SLC4A8: variants seen among roughly 807,000 people sequenced by gnomAD.
SLC4A8 encodes electroneutral sodium bicarbonate exchanger 1.
In SLC4A8, 40 loss-of-function variants were observed where a neutral mutation model predicts 125.0. The observed-to-expected ratio is 0.32, with a 90% confidence interval of 0.25 to 0.42. The LOEUF is 0.42. Ranked by LOEUF, SLC4A8 falls within the 10% of genes least tolerant of loss-of-function variation. The probability of loss-of-function intolerance (pLI) is 1.00; values close to 1 mark genes in which losing one functional copy is unlikely to be tolerated. For missense variants in SLC4A8, 863 were observed against 1,355.1 expected (o/e 0.64, Z 5.70); for synonymous variants, 456 against 476.0 (o/e 0.96, Z 0.55).
chr12:51,425,686 G>A (rs1948948266), intron 1 of SLC4A8, among the ~76,000 whole-genome samples: 1 of 152,146 alleles, frequency 6.6e-6, no homozygotes, highest in African/African-American at 2.4e-5. Context: ...GGAACTGTTG[G>A]GGCGGCTAAT....
chr12:51,497,124 G>C lies in SLC4A8; in HGVS notation c.3081G>C (p.Glu1027Asp). The change falls in exon 22 of 25, where the codon GAG becomes GAC. Residue 1027 changes from glutamate (E) to aspartate (D), a missense_variant and splice_region_variant. Glu to Asp is a conservative substitution (Grantham distance 45). Around this residue, in one of 6 missense-constraint regions of SLC4A8, gnomAD observed 92 missense variants for 125.6 expected, o/e 0.73. Coordinates refer to ENST00000453097, the MANE Select transcript of SLC4A8 (RefSeq NM_001039960.3). The part of the protein sequence containing the change: ...DDAKKKAKEE[E>D]EAEKMLEIGG... ...CCAAAAAGAAGGCCAAGGAGGAAGA[G>C]GTCATAGTCCTTGCACCAACTGTAT... The C allele has an allele frequency of 1.2e-6, 2 of 1,610,876 alleles. No homozygotes were observed. The highest frequency in any genetic ancestry group is 2.2e-5 in the East Asian group (1 of 44,860).
intron 1 of SLC4A8, among the ~76,000 whole-genome samples, chr12:51,433,385 G>C (rs1161214381): frequency 6.6e-6 from 1 of 152,134 alleles, no homozygotes; most frequent in Non-Finnish European, 1.5e-5. Flanking sequence ...CTCAGAAATA[G>C]GGCTTTTTCC....
In SLC4A8 at chr12:51,497,100, C is replaced by G; in HGVS notation, c.3057C>G (p.Ala1019=). 1 of 1,612,746 alleles carries G rather than the reference C, an allele frequency of 6.2e-7. No homozygotes were observed. Among genetic ancestry groups the G allele is most frequent in the Non-Finnish European group, 8.5e-7 (1 of 1,179,718 alleles). ...GCAAAAAGAAGAAGTTGGATGATGC[C>G]AAAAAGAAGGCCAAGGAGGAAGAGG... ...PESKKKKLDD[A]KKKAKEEEEA... The change falls in exon 22 of 25, where the codon GCC becomes GCG. Residue 1019 remains alanine (A), a synonymous_variant. Transcript: ENST00000453097.
chr12:51,436,311 C>T (rs1949410610), intron 1 of SLC4A8, among the ~76,000 whole-genome samples: 1 of 152,162 alleles, frequency 6.6e-6, no homozygotes, highest in Admixed American at 6.5e-5. Flanking sequence ...TAAAATTCTT[C>T]TTTGTCCTTA....
In SLC4A8 at chr12:51,509,482, C is replaced by G. The variant is rs991488410; in HGVS notation, c.*2044C>G. ...GTCCCTCTCTGGCTGCCTCCTTGAG[C>G]TTGCCACTTTTTCATCTTCATTGTT... On this transcript the variant is annotated 3_prime_UTR_variant, in exon 25 of 25. Transcript: ENST00000453097. 6.6e-6 allele frequency: 1 copy of G among 152,212 alleles called. No individual in the cohort carries two copies. Among genetic ancestry groups the G allele is most frequent in the African/African-American group, 2.4e-5 (1 of 41,442 alleles). The allele number at this position is 152,212 out of a possible 1,614,324, so 9.4% of individuals were successfully genotyped here. A position where few individuals can be genotyped will look rare whatever the true frequency, so the allele number is the denominator to read the frequency against.
Position 51,461,269 on chromosome 12 carries a change from TG to T in SLC4A8, c.1081del (p.Ala361ProfsTer4). The T allele has an allele frequency of 6.2e-7, 1 of 1,609,444 alleles. No homozygotes were observed. The highest frequency in any genetic ancestry group is 8.5e-7 in the Non-Finnish European group (1 of 1,175,820). ...CAGTACCATGAGATTGGCAGATCCA[TG>T]GCCACCATCATGACAGATGAGGTAT... Reference protein sequence around the residue: ...GQQYHEIGRSMATIMTDEIFH... With the variant: ...GQQYHEIGRSXATIMTDEIFH... On this transcript the variant is annotated frameshift_variant, in exon 9 of 25. Coordinates refer to ENST00000453097, the MANE Select transcript of SLC4A8 (RefSeq NM_001039960.3). LOFTEE classifies it high-confidence loss of function.
rs1303563938 is a variant in SLC4A8 at position 51,506,047 on chromosome 12, A to G, written c.3269+117A>G. 1.3e-5 allele frequency: 8 copies of G among 612,210 alleles called. No homozygotes were observed. The East Asian group carries it at 2.2e-4, about 17-fold the overall frequency. 37.9% of individuals were successfully genotyped at this position (612,210 alleles called of 1,614,324 possible). On this transcript the variant is annotated intron_variant, in intron 24 of 24. Transcript: ENST00000453097. Reference sequence around the variant, plus strand: ...AATTTGTGTAATAAATAGCACTTCCAGGAACTGCCGCTAACCACATAAGAA... The same window carrying G: ...AATTTGTGTAATAAATAGCACTTCCGGGAACTGCCGCTAACCACATAAGAA...
chr12:51,470,078 A>G (rs1343757544), intron 12 of SLC4A8, among the ~76,000 whole-genome samples: 1 of 152,150 alleles, frequency 6.6e-6, no homozygotes, highest in African/African-American at 2.4e-5. Context: ...AAGATTTAAA[A>G]TGACTCTGTA....
Position 51,507,583 on chromosome 12 carries a change from A to C in SLC4A8, c.*145A>C. 3.7e-6 allele frequency: 2 copies of C among 537,898 alleles called. No homozygotes were observed. Among genetic ancestry groups the C allele is most frequent in the Non-Finnish European group, 6.4e-6 (2 of 314,690 alleles). The allele number at this position is 537,898 out of a possible 1,614,324, so 33.3% of individuals were successfully genotyped here. A position where few individuals can be genotyped will look rare whatever the true frequency, so the allele number is the denominator to read the frequency against. ...ATCTCAAAGCCATGCCGAAGCATTC[A>C]GTTATTCTTGGTGTGCATTGGAAGG... On this transcript the variant is annotated 3_prime_UTR_variant, in exon 25 of 25. Coordinates refer to ENST00000453097, the MANE Select transcript of SLC4A8 (RefSeq NM_001039960.3).
intron 2 of SLC4A8, among the ~76,000 whole-genome samples, chr12:51,445,418 T>G (rs1949742460): frequency 6.6e-6 from 1 of 152,204 alleles, no homozygotes; most frequent in Non-Finnish European, 1.5e-5. Flanking sequence ...TCCTCCTTCC[T>G]TAGCCTCCCA....
At position 51,515,069 on chromosome 12, in the gene SLC4A8, G is replaced by A. The variant is rs772597569; in HGVS notation, c.*7631G>A. ...CTAGCTGATGGCATTAATATTTCTT[G>A]AGAGAGAGAACTCACCCATGGCACT... is the stretch of plus-strand genomic sequence containing the variant. On this transcript the variant is annotated 3_prime_UTR_variant, in exon 25 of 25. Coordinates refer to ENST00000453097, the MANE Select transcript of SLC4A8 (RefSeq NM_001039960.3). 7 of 152,180 alleles carry A rather than the reference G, an allele frequency of 4.6e-5. No individual in the cohort carries two copies. The highest frequency in any genetic ancestry group is 1.0e-4 in the Non-Finnish European group (7 of 68,030). The allele number at this position is 152,180 out of a possible 1,614,324, so 9.4% of individuals were successfully genotyped here.
intron 1 of SLC4A8, among the ~76,000 whole-genome samples, chr12:51,433,871 T>TTTTG (rs1949294926): frequency 4.5e-5 from 6 of 132,664 alleles, no homozygotes; most frequent in South Asian, 2.3e-4. Flanking sequence ...TTTTTTTTTT[T>TTTTG]TTTTTTTGGT....
At chr12:51,464,921 G>A (rs1160174240) in intron 11 of SLC4A8, among the ~76,000 whole-genome samples, 1 of 152,184 alleles carries the variant, frequency 6.6e-6, no homozygotes, top group East Asian at 1.9e-4. Flanking sequence ...ATGTTTTCTG[G>A]TAGGAAGAAT....
chr12:51,460,392 T>G (rs77965566), intron 8 of SLC4A8, among the ~76,000 whole-genome samples: 1 of 972 alleles, frequency 1.0e-3, no homozygotes, highest in Non-Finnish European at 4.3e-3. Context: ...AGACCCTGTC[T>G]TTTTTAAAAA....
intron 1 of SLC4A8, among the ~76,000 whole-genome samples, chr12:51,406,365 G>T (rs1456110744): frequency 2.0e-5 from 3 of 152,204 alleles, no homozygotes; most frequent in African/African-American, 7.2e-5. Flanking sequence ...TTATTGATGT[G>T]GGGTAGAGTG....
chr12:51,396,925 ATTTTTTT>A (rs753146267), intron 1 of SLC4A8, among the ~76,000 whole-genome samples: 21 of 106,312 alleles, frequency 2.0e-4, no homozygotes, highest in African/African-American at 7.0e-4. Flanking sequence ...GCCTTAGTTA[ATTTTTTT>A]TTTTTTTTTT....
chr12:51,468,302 T>A lies in SLC4A8; in HGVS notation c.1350-1312T>A, dbSNP rs566385084. On this transcript the variant is annotated intron_variant, in intron 11 of 24. Coordinates refer to ENST00000453097, the MANE Select transcript of SLC4A8 (RefSeq NM_001039960.3). ...GCCACCAAGTCCTGTTGATTCTACCTCCTGATTAGCTCTTGAATCCATCCA... is the reference window on the plus strand; with the variant it reads ...GCCACCAAGTCCTGTTGATTCTACCACCTGATTAGCTCTTGAATCCATCCA... 1.8e-3 allele frequency among the ~76,000 whole-genome samples: 280 copies of A among 152,324 alleles called. 1 individual carries two copies. The highest frequency in any genetic ancestry group is 6.5e-3 in the African/African-American group (271 of 41,570).
At chr12:51,473,175 C>G (rs1349275530) in intron 14 of SLC4A8, among the ~76,000 whole-genome samples, 1 of 152,194 alleles carries the variant, frequency 6.6e-6, no homozygotes, top group Non-Finnish European at 1.5e-5. Context: ...AATACTTTCA[C>G]TTCCTTAAAA....
chr12:51,476,458 G>A (rs1010520506), intron 16 of SLC4A8, among the ~76,000 whole-genome samples: 5 of 151,932 alleles, frequency 3.3e-5, no homozygotes, highest in African/African-American at 1.2e-4. Context: ...TCCAGCCTGG[G>A]CGACAGAGTG....
Sources: gnomAD v4.1 joint callset for allele counts (sites outside exome capture counted in the v4.1 genomes callset) on GRCh38, gnomAD v4.1.1 for gene constraint, gnomAD v4.1.1 regional missense constraint, MANE v1.5 for transcripts, NCBI Gene and HGNC (gene_info 2026-07-23, HGNC 2026-07-21) for gene names.